The following NTN1 variants were observed in gnomAD, a reference collection of about 807,000 sequenced individuals.
NTN1 encodes the protein netrin-1.
A neutral mutation model predicts 54.2 loss-of-function variants in NTN1; 11 were observed. The observed-to-expected ratio is 0.20, with a 90% CI of 0.13 to 0.34. The LOEUF is 0.34. Ranked by LOEUF, NTN1 falls within the 10% of genes least tolerant of loss-of-function variation. NTN1 has a pLI of 1.00. For missense variants in NTN1, 740 were observed against 893.1 expected, an observed-to-expected ratio of 0.83 and a Z score of 2.18; for synonymous variants, 371 against 382.0, an observed-to-expected ratio of 0.97 and a Z score of 0.33.
intron 2 of NTN1, among the ~76,000 whole-genome samples, chr17:9,114,270 A>C (rs1000768209): frequency 6.7e-6 from 1 of 148,672 alleles, no homozygotes; most frequent in Non-Finnish European, 1.5e-5. Context: ...TGTAAGTATG[A>C]CGGGTCTGAT....
At chr17:9,048,831 T>G (rs541555893) in intron 2 of NTN1, among the ~76,000 whole-genome samples, 1 of 152,296 alleles carries the variant, frequency 6.6e-6, no homozygotes, top group East Asian at 1.9e-4. Flanking sequence ...TGATTTTGTA[T>G]TTTTAGTAGA....
intron 2 of NTN1, among the ~76,000 whole-genome samples, chr17:9,057,724 C>T (rs1005116069): frequency 5.9e-5 from 9 of 152,300 alleles, no homozygotes; most frequent in Non-Finnish European, 1.2e-4. Flanking sequence ...TCAGGTTCCA[C>T]GTAAGGACGT....
At chr17:9,231,027 C>T (rs1905791455) in intron 6 of NTN1, among the ~76,000 whole-genome samples, 1 of 152,054 alleles carries the variant, frequency 6.6e-6, no homozygotes, top group African/African-American at 2.4e-5. Context: ...GGACACCAGG[C>T]GGGAAAGGCT....
chr17:9,215,246 TAG>T (rs1191765402), intron 5 of NTN1, among the ~76,000 whole-genome samples: 2 of 113,126 alleles, frequency 1.8e-5, no homozygotes, highest in Admixed American at 1.0e-4. Flanking sequence ...CATAGCTAGA[TAG>T]ATACACACAC....
In NTN1 at chr17:9,028,268, C is replaced by T. The variant is rs560210435; in HGVS notation, c.1018+4877C>T. Among the ~76,000 whole-genome samples the T allele has an allele frequency of 2.6e-5, 4 of 152,326 alleles. No individual in the cohort carries two copies. The East Asian group carries it at 7.7e-4, about 29-fold the overall frequency. Reference sequence around the variant, plus strand: ...GATGGGGGATGGTATGTCCCGGCCACTGGTGTGGTGCCGCTAGGTACAGTT... The same window carrying T: ...GATGGGGGATGGTATGTCCCGGCCATTGGTGTGGTGCCGCTAGGTACAGTT... On this transcript the variant is annotated intron_variant, in intron 2 of 6. Transcript: ENST00000173229.
intron 2 of NTN1, among the ~76,000 whole-genome samples, chr17:9,080,083 C>T (rs908487348): frequency 3.3e-5 from 5 of 152,334 alleles, no homozygotes; most frequent in African/African-American, 9.6e-5. Context: ...CCCAGTGGGC[C>T]TGTTTCCTGG....
intron 2 of NTN1, among the ~76,000 whole-genome samples, chr17:9,103,753 T>C (rs1258849364): frequency 2.6e-5 from 4 of 152,030 alleles, no homozygotes; most frequent in African/African-American, 9.7e-5. Flanking sequence ...GGATAAACCT[T>C]GAAGCTGTTA....
chr17:9,177,373 G>GC (rs2092403002), intron 3 of NTN1: 3 of 152,334 alleles, frequency 2.0e-5, no homozygotes, highest in African/African-American at 7.2e-5. Context: ...CTCTGGGTCG[G>GC]CCGCTGCCAA....
chr17:9,042,176 AT>A (rs1206352541), intron 2 of NTN1, among the ~76,000 whole-genome samples: 13 of 152,168 alleles, frequency 8.5e-5, no homozygotes, highest in African/African-American at 2.9e-4. Context: ...CATTTTGATT[AT>A]AGCCATTCTG....
intron 5 of NTN1, among the ~76,000 whole-genome samples, chr17:9,210,685 T>C (rs1905084181): frequency 6.6e-6 from 1 of 152,004 alleles, no homozygotes; most frequent in African/African-American, 2.4e-5. Context: ...GGCAAGCGGA[T>C]CACCTGAGCT....
intron 2 of NTN1, among the ~76,000 whole-genome samples, chr17:9,102,628 C>T (rs996120417): frequency 6.6e-6 from 1 of 152,110 alleles, no homozygotes; most frequent in Non-Finnish European, 1.5e-5. Context: ...TGGGTTTATA[C>T]CCATTGGTAA....
At chr17:9,229,094 GAGAC>G (rs1210536056) in intron 6 of NTN1, among the ~76,000 whole-genome samples, 1 of 2,746 alleles carries the variant, frequency 3.6e-4, no homozygotes. Context: ...GTGTGTGACT[GAGAC>G]TGTGACTGTG....
intron 2 of NTN1, among the ~76,000 whole-genome samples, chr17:9,134,035 G>C (rs1456889895): frequency 6.7e-6 from 1 of 150,178 alleles, no homozygotes; most frequent in Non-Finnish European, 1.5e-5. Flanking sequence ...CTCCCAAGTA[G>C]CTGGGATTAC....
intron 5 of NTN1, among the ~76,000 whole-genome samples, chr17:9,204,300 CTCTCTCTCTT>C (rs1904907508): frequency 6.8e-6 from 1 of 147,900 alleles, no homozygotes; most frequent in Non-Finnish European, 1.5e-5. Flanking sequence ...TTCTCTCTCT[CTCTCTCTCTT>C]TCTTTCTGAC....
chr17:9,059,139 C>T (rs1040963260), intron 2 of NTN1, among the ~76,000 whole-genome samples: 1 of 152,094 alleles, frequency 6.6e-6, no homozygotes, highest in Non-Finnish European at 1.5e-5. Flanking sequence ...GCTACGTGGC[C>T]GGCACATGCT....
chr17:9,178,583 T>C (rs2092408387), intron 3 of NTN1, among the ~76,000 whole-genome samples: 1 of 152,236 alleles, frequency 6.6e-6, no homozygotes, highest in Non-Finnish European at 1.5e-5. Context: ...GAAGTTCTAA[T>C]CTGGCTGCTT....
chr17:9,047,476 C>T (rs2091944678), intron 2 of NTN1, among the ~76,000 whole-genome samples: 1 of 152,142 alleles, frequency 6.6e-6, no homozygotes, highest in Non-Finnish European at 1.5e-5. Flanking sequence ...CCATAAGAAG[C>T]GACTCGTCAT....
intron 5 of NTN1, among the ~76,000 whole-genome samples, chr17:9,193,044 C>A (rs1413724616): frequency 6.9e-6 from 1 of 144,650 alleles, no homozygotes; most frequent in Non-Finnish European, 1.5e-5. Context: ...CATGCCACTG[C>A]ACTCCAGCCT....
chr17:9,088,995 G>A (rs1296358017), intron 2 of NTN1, among the ~76,000 whole-genome samples: 3 of 152,146 alleles, frequency 2.0e-5, no homozygotes, highest in African/African-American at 4.8e-5. Flanking sequence ...CTGGGTGTCC[G>A]CCATCGGAGT....
Sources: gnomAD v4.1 joint callset for allele counts (sites outside exome capture counted in the v4.1 genomes callset) on GRCh38, gnomAD v4.1.1 for gene constraint, MANE v1.5 for transcripts, NCBI Gene and HGNC (gene_info 2026-07-23, HGNC 2026-07-21) for gene names.